CNTNAP5: variants seen among roughly 807,000 people sequenced by gnomAD.
The protein encoded by CNTNAP5 is contactin-associated protein-like 5.
A neutral mutation model predicts 150.2 loss-of-function variants in CNTNAP5; 72 were observed. The observed-to-expected ratio is 0.48, with a 90% CI of 0.40 to 0.58. The LOEUF (loss-of-function observed/expected upper bound fraction) is 0.58, where lower values mean the gene tolerates loss of function less well. Ranked by LOEUF, CNTNAP5 falls within the 20% of genes least tolerant of loss-of-function variation. CNTNAP5 has a pLI of 0.00. For missense variants in CNTNAP5, 1,636 were observed against 1,626.2 expected, an observed-to-expected ratio of 1.01 and a Z score of -0.10; for synonymous variants, 672 against 619.8, an observed-to-expected ratio of 1.08 and a Z score of -1.25.
intron 1 of CNTNAP5, among the ~76,000 whole-genome samples, chr2:124,188,581 T>C (rs1198317439): frequency 6.6e-6 from 1 of 150,840 alleles, no homozygotes; most frequent in Non-Finnish European, 1.5e-5. Flanking sequence ...TAGCCGGGCG[T>C]GGTGGCGGGC....
At chr2:124,541,699 A>G (rs967398053) in intron 10 of CNTNAP5, among the ~76,000 whole-genome samples, 1 of 152,154 alleles carries the variant, frequency 6.6e-6, no homozygotes, top group South Asian at 2.1e-4. Context: ...GTGATATTAA[A>G]TAATTCTTCA....
intron 3 of CNTNAP5, among the ~76,000 whole-genome samples, chr2:124,417,156 T>A (rs970563511): frequency 1.3e-5 from 2 of 151,986 alleles, no homozygotes; most frequent in Non-Finnish European, 1.5e-5. Context: ...GCCAGTCTGG[T>A]CTCAGACTCC....
intron 3 of CNTNAP5, among the ~76,000 whole-genome samples, chr2:124,374,558 T>C (rs1690600941): frequency 6.6e-6 from 1 of 152,084 alleles, no homozygotes; most frequent in African/African-American, 2.4e-5. Context: ...TTTAGGAAAG[T>C]AGAGAAAACA....
At chr2:124,105,686 C>A (rs1302768771) in intron 1 of CNTNAP5, among the ~76,000 whole-genome samples, 1 of 151,584 alleles carries the variant, frequency 6.6e-6, no homozygotes. Context: ...TATACTTTAA[C>A]CTGGTGGTTG....
At position 124,720,509 on chromosome 2, in the gene CNTNAP5, C is replaced by T. The variant is rs139615164; in HGVS notation, c.2078-26720C>T. Among the ~76,000 whole-genome samples, 340 of 152,196 alleles carry T rather than the reference C, an allele frequency of 2.2e-3. 2 individuals are homozygous for T. The highest frequency in any genetic ancestry group is 7.7e-3 in the African/African-American group (318 of 41,512). ...CAGCTGATCATATTTCCAAAAAGAA[C>T]CTTCTTTGCATCCCAAGAAAAAAAA... On this transcript the variant is annotated intron_variant, in intron 13 of 23. Transcript: ENST00000682447.
chr2:124,125,711 G>C (rs886581762), intron 1 of CNTNAP5, among the ~76,000 whole-genome samples: 1 of 152,086 alleles, frequency 6.6e-6, no homozygotes, highest in Admixed American at 6.6e-5. Context: ...ATAACAAACT[G>C]TCTCTCAGAT....
intron 17 of CNTNAP5, among the ~76,000 whole-genome samples, chr2:124,779,745 C>T (rs1171918274): frequency 6.6e-6 from 1 of 152,222 alleles, no homozygotes; most frequent in African/African-American, 2.4e-5. Flanking sequence ...TAAAATGGAC[C>T]TGCCCCTACC....
chr2:124,884,767 C>G (rs1678044500), intron 21 of CNTNAP5, among the ~76,000 whole-genome samples: 1 of 151,982 alleles, frequency 6.6e-6, no homozygotes, highest in African/African-American at 2.4e-5. Flanking sequence ...GGTGAGCACC[C>G]TTGCCTCATC....
chr2:124,807,074 A>C (rs1424457988), intron 19 of CNTNAP5, among the ~76,000 whole-genome samples: 2 of 152,140 alleles, frequency 1.3e-5, no homozygotes, highest in East Asian at 3.9e-4. Flanking sequence ...TTCTTCTTAG[A>C]GCACTTGACC....
intron 21 of CNTNAP5, among the ~76,000 whole-genome samples, chr2:124,892,922 G>A (rs778592801): frequency 2.1e-4 from 32 of 152,032 alleles, no homozygotes; most frequent in Non-Finnish European, 2.9e-4. Flanking sequence ...CGATCATCAC[G>A]CATTATCACC....
At chr2:124,645,448 G>T (rs1470094918) in intron 12 of CNTNAP5, among the ~76,000 whole-genome samples, 1 of 152,124 alleles carries the variant, frequency 6.6e-6, no homozygotes, top group Non-Finnish European at 1.5e-5. Context: ...CATACCTGTG[G>T]TTCTAGCTAC....
chr2:124,705,702 A>G (rs1323822464), intron 13 of CNTNAP5, among the ~76,000 whole-genome samples: 1 of 152,042 alleles, frequency 6.6e-6, no homozygotes, highest in Non-Finnish European at 1.5e-5. Context: ...TAGCAAAGAG[A>G]GTATGAATAG....
chr2:124,107,244 G>A (rs769282675), intron 1 of CNTNAP5, among the ~76,000 whole-genome samples: 2 of 152,140 alleles, frequency 1.3e-5, no homozygotes, highest in African/African-American at 2.4e-5. Context: ...CTGGAATTGA[G>A]AACAATGAGG....
chr2:124,295,146 AAACAAACAGACAAACT>A (rs1688389616), intron 3 of CNTNAP5, among the ~76,000 whole-genome samples: 1 of 151,696 alleles, frequency 6.6e-6, no homozygotes, highest in African/African-American at 2.4e-5. Flanking sequence ...ACAAACAAAC[AAACAAACAGACAAACT>A]AGAGAAGAGG....
At chr2:124,533,871 G>A (rs771573263) in intron 10 of CNTNAP5, among the ~76,000 whole-genome samples, 7 of 152,172 alleles carry the variant, frequency 4.6e-5, no homozygotes, top group Non-Finnish European at 7.4e-5. Flanking sequence ...AAGCATAACT[G>A]TTTGTTGTGA....
chr2:124,048,304 C>A (rs879681126), intron 1 of CNTNAP5, among the ~76,000 whole-genome samples: 1 of 152,164 alleles, frequency 6.6e-6, no homozygotes, highest in African/African-American at 2.4e-5. Context: ...CTTAACTATC[C>A]TATTTCCTGT....
intron 7 of CNTNAP5, among the ~76,000 whole-genome samples, chr2:124,488,989 C>T (rs950971169): frequency 6.6e-6 from 1 of 152,142 alleles, no homozygotes; most frequent in African/African-American, 2.4e-5. Context: ...AAAAAGAGCC[C>T]TGTGTGTGGC....
At chr2:124,195,367 C>G (rs902398662) in intron 1 of CNTNAP5, among the ~76,000 whole-genome samples, 4 of 152,116 alleles carry the variant, frequency 2.6e-5, no homozygotes, top group African/African-American at 9.7e-5. Context: ...GCAGTGAACC[C>G]CCTTGCGCAG....
At chr2:124,627,149 T>C (rs1157690549) in intron 12 of CNTNAP5, among the ~76,000 whole-genome samples, 1 of 152,112 alleles carries the variant, frequency 6.6e-6, no homozygotes, top group East Asian at 1.9e-4. Context: ...ACTTAATCTT[T>C]CCTGCCTGCC....
Sources: gnomAD v4.1 joint callset for allele counts (sites outside exome capture counted in the v4.1 genomes callset) on GRCh38, gnomAD v4.1.1 for gene constraint, MANE v1.5 for transcripts, NCBI Gene and HGNC (gene_info 2026-07-23, HGNC 2026-07-21) for gene names.